The following ERBB4 variants were observed in gnomAD, a reference collection of about 807,000 sequenced individuals.
ERBB4 encodes erb-b2 receptor tyrosine kinase 4.
A neutral mutation model predicts 158.0 loss-of-function variants in ERBB4; 42 were observed. That is an observed-to-expected ratio of 0.27 (90% CI 0.21 to 0.34). The LOEUF (loss-of-function observed/expected upper bound fraction) is 0.34, where lower values mean the gene tolerates loss of function less well. Among genes scored for constraint, ERBB4 ranks in the 10% least tolerant of loss-of-function variants. The pLI is 1.00. For synonymous variants in ERBB4, 583 were observed against 558.7 expected (o/e 1.04, Z -0.61); for missense variants, 1,333 against 1,624.1 (o/e 0.82, Z 3.08).
chr2:211,725,428 C>T (rs77982512), intron 5 of ERBB4, among the ~76,000 whole-genome samples: 2 of 152,066 alleles, frequency 1.3e-5, no homozygotes, highest in East Asian at 3.9e-4. Flanking sequence ...TGCCTTATGA[C>T]GATCATACAA....
chr2:212,265,166 C>A (rs1398374269), intron 1 of ERBB4, among the ~76,000 whole-genome samples: 2 of 152,146 alleles, frequency 1.3e-5, no homozygotes, highest in South Asian at 4.1e-4. Flanking sequence ...CAGGCCCCTG[C>A]CCTTGAGAAG....
rs1443819130 is a variant in ERBB4, at chr2:211,580,845, T to A, written c.2302-18757A>T. The stretch of plus-strand genomic sequence containing the variant: ...TATATTATATATATAGATTATATAT[T>A]ATATATATAGTATGCATATACATAT... On this transcript the variant is annotated intron_variant, in intron 19 of 27. Coordinates refer to ENST00000342788, the MANE Select transcript of ERBB4 (RefSeq NM_005235.3). 2.2e-3 allele frequency among the ~76,000 whole-genome samples: 60 copies of A among 27,080 alleles called. 1 individual carries two copies. Among genetic ancestry groups the A allele is most frequent in the Middle Eastern group, 0.021 (1 of 48 alleles). 17.8% of individuals were successfully genotyped at this position (27,080 alleles called of 152,430 possible).
chr2:211,806,259 G>GGA (rs758673696), intron 3 of ERBB4, among the ~76,000 whole-genome samples: 9 of 152,220 alleles, frequency 5.9e-5, no homozygotes, highest in Non-Finnish European at 1.2e-4. Flanking sequence ...GAGAGACTAA[G>GGA]GAGAGAGAGA....
At chr2:211,514,200 T>C (rs7604094) in intron 20 of ERBB4, among the ~76,000 whole-genome samples, 1 of 151,818 alleles carries the variant, frequency 6.6e-6, no homozygotes, top group African/African-American at 2.4e-5. Context: ...GATCAAATTT[T>C]TTTGGCTCCC....
intron 16 of ERBB4, among the ~76,000 whole-genome samples, chr2:211,631,078 G>A (rs113621513): frequency 3.0e-4 from 46 of 152,202 alleles, no homozygotes; most frequent in African/African-American, 1.0e-3. Context: ...TTGTTGTCGC[G>A]AAGTGTCCTG....
chr2:211,518,435 C>T (rs1288812617), intron 20 of ERBB4, among the ~76,000 whole-genome samples: 1 of 152,044 alleles, frequency 6.6e-6, no homozygotes, highest in Non-Finnish European at 1.5e-5. Flanking sequence ...GCGGGCAGAT[C>T]ACAAAGTCAG....
At chr2:212,102,560 T>TC (rs2079115058) in intron 2 of ERBB4, among the ~76,000 whole-genome samples, 1 of 152,126 alleles carries the variant, frequency 6.6e-6, no homozygotes, top group Non-Finnish European at 1.5e-5. Flanking sequence ...TTCTAAAATG[T>TC]CGTGTGATTT....
At chr2:211,676,493 C>CA (rs773474355) in intron 13 of ERBB4, among the ~76,000 whole-genome samples, 11 of 151,908 alleles carry the variant, frequency 7.2e-5, no homozygotes, top group Non-Finnish European at 1.2e-4. Context: ...TATACATACA[C>CA]ATGTTTATAA....
At chr2:212,067,676 T>C (rs2077985185) in intron 2 of ERBB4, among the ~76,000 whole-genome samples, 1 of 152,040 alleles carries the variant, frequency 6.6e-6, no homozygotes. Flanking sequence ...AAGAAGTTGC[T>C]GACTTCATGC....
intron 1 of ERBB4, among the ~76,000 whole-genome samples, chr2:212,229,439 T>C (rs967691367): frequency 2.6e-5 from 4 of 152,192 alleles, no homozygotes; most frequent in Admixed American, 6.6e-5. Context: ...GTTAATGCCA[T>C]AGCCTGTTCC....
intron 2 of ERBB4, among the ~76,000 whole-genome samples, chr2:212,001,744 A>C (rs1317628075): frequency 6.6e-6 from 1 of 152,180 alleles, no homozygotes; most frequent in Non-Finnish European, 1.5e-5. Flanking sequence ...ATGAAATAGC[A>C]TCTCTTTTCT....
At chr2:211,428,358 A>T (rs367598206) in intron 22 of ERBB4, 50 bp downstream of exon 22, 3 of 967,280 alleles carry the variant, frequency 3.1e-6, no homozygotes, top group East Asian at 2.4e-5. Context: ...TGAACTTAAC[A>T]TATGTATTTT....
At chr2:212,024,425 A>G (rs973854545) in intron 2 of ERBB4, among the ~76,000 whole-genome samples, 2 of 151,990 alleles carry the variant, frequency 1.3e-5, no homozygotes, top group African/African-American at 4.8e-5. Context: ...CAGAAAATCA[A>G]TGTTAATAAC....
chr2:211,407,981 T>G (rs547508965), intron 25 of ERBB4, among the ~76,000 whole-genome samples: 63 of 152,344 alleles, frequency 4.1e-4, no homozygotes, highest in African/African-American at 1.5e-3. Flanking sequence ...CCATCAGTCC[T>G]TATTGAGAAT....
chr2:212,166,070 A>C (rs2081338238), intron 1 of ERBB4, among the ~76,000 whole-genome samples: 1 of 151,840 alleles, frequency 6.6e-6, no homozygotes, highest in South Asian at 2.1e-4. Flanking sequence ...TTTTTTTCAA[A>C]TTCTATTTAG....
At chr2:211,680,664 G>A (rs571265266) in intron 12 of ERBB4, among the ~76,000 whole-genome samples, 33 of 152,244 alleles carry the variant, frequency 2.2e-4, no homozygotes, top group African/African-American at 6.3e-4. Flanking sequence ...CTGAAACAGC[G>A]AAACAAATAT....
chr2:211,773,616 A>AT (rs2075777864), intron 4 of ERBB4, among the ~76,000 whole-genome samples: 2 of 52,108 alleles, frequency 3.8e-5, no homozygotes, highest in African/African-American at 1.2e-4. Flanking sequence ...ATATATATAT[A>AT]TATATATATA....
chr2:212,256,063 G>A (rs1469621738), intron 1 of ERBB4, among the ~76,000 whole-genome samples: 1 of 151,246 alleles, frequency 6.6e-6, no homozygotes, highest in Non-Finnish European at 1.5e-5. Context: ...TGAACTCCTG[G>A]TGTCAAGCAG....
chr2:211,414,116 A>C (rs1358857073), intron 25 of ERBB4, among the ~76,000 whole-genome samples: 1 of 152,138 alleles, frequency 6.6e-6, no homozygotes, highest in East Asian at 1.9e-4. Flanking sequence ...ACCCTTCCCT[A>C]TCTGCCTAGG....
Sources: gnomAD v4.1 joint callset for allele counts (sites outside exome capture counted in the v4.1 genomes callset) on GRCh38, gnomAD v4.1.1 for gene constraint, MANE v1.5 for transcripts, NCBI Gene and HGNC (gene_info 2026-07-23, HGNC 2026-07-21) for gene names.